Variants in MARK3 observed in about 807,000 individuals in gnomAD.
MARK3 encodes the protein microtubule affinity regulating kinase 3.
In MARK3, 46 loss-of-function variants were observed where a neutral mutation model predicts 90.1. The ratio of observed to expected loss-of-function variants is 0.51; its 90% confidence interval spans 0.40 to 0.65. The LOEUF (loss-of-function observed/expected upper bound fraction) is 0.65. Ranked by LOEUF, MARK3 falls within the 30% of genes least tolerant of loss-of-function variation. The pLI, the probability that MARK3 is intolerant of heterozygous loss-of-function variation, is 0.00. For missense variants in MARK3, 818 were observed against 947.2 expected (o/e 0.86, Z 1.79); for synonymous variants, 321 against 332.6 (o/e 0.97, Z 0.38).
intron 3 of MARK3, among the ~76,000 whole-genome samples, chr14:103,441,311 G>A (rs2092848050): frequency 6.6e-6 from 1 of 151,964 alleles, no homozygotes; most frequent in Non-Finnish European, 1.5e-5. Flanking sequence ...TTGAGACGGA[G>A]TTTCGCTCTG....
chr14:103,472,408 C>T (rs1247146511), intron 12 of MARK3, among the ~76,000 whole-genome samples: 4 of 151,766 alleles, frequency 2.6e-5, no homozygotes, highest in Non-Finnish European at 5.9e-5. Context: ...CTTTGGGAGG[C>T]CGAGGTGGGC....
chr14:103,498,751 T>C, intron 16 of MARK3: 1 of 292,204 alleles, frequency 3.4e-6, no homozygotes. Flanking sequence ...GGCTGATGCA[T>C]GCTCTGTGTA....
chr14:103,465,915 G>A (rs2093493359), intron 8 of MARK3, 57 bp from the exon 9 acceptor site: 1 of 1,583,478 alleles, frequency 6.3e-7, no homozygotes, highest in African/African-American at 1.4e-5. Flanking sequence ...GTTGTGTTTT[G>A]TTAACTAAAC....
intron 1 of MARK3, among the ~76,000 whole-genome samples, chr14:103,395,032 G>A (rs576770406): frequency 7.9e-5 from 12 of 152,166 alleles, no homozygotes; most frequent in African/African-American, 2.4e-4. Context: ...CACCTGCCTC[G>A]GCCTCCCAAA....
intron 3 of MARK3, among the ~76,000 whole-genome samples, chr14:103,437,543 C>T (rs2092745744): frequency 4.6e-5 from 7 of 152,210 alleles, no homozygotes; most frequent in Non-Finnish European, 8.8e-5. Context: ...TCCAATCTGC[C>T]TTCCAAGGAG....
At chr14:103,397,653 G>GT (rs2090670754) in intron 1 of MARK3, among the ~76,000 whole-genome samples, 1 of 152,040 alleles carries the variant, frequency 6.6e-6, no homozygotes, top group African/African-American at 2.4e-5. Flanking sequence ...GCCACAACTT[G>GT]TGCCTTACAA....
chr14:103,485,479 C>T (rs933920196), intron 14 of MARK3, among the ~76,000 whole-genome samples: 2 of 151,842 alleles, frequency 1.3e-5, no homozygotes, highest in Non-Finnish European at 2.9e-5. Context: ...TCCCATGTTA[C>T]CCAGGCTGGT....
chr14:103,466,248 A>C, intron 9 of MARK3, 95 bp from the exon 10 acceptor site: 1 of 1,293,452 alleles, frequency 7.7e-7, no homozygotes, highest in Non-Finnish European at 1.1e-6. Flanking sequence ...GCTTTGAACG[A>C]TAGTCAATGA....
At chr14:103,478,555 T>C (rs1384071535) in intron 13 of MARK3, among the ~76,000 whole-genome samples, 1 of 152,128 alleles carries the variant, frequency 6.6e-6, no homozygotes, top group African/African-American at 2.4e-5. Flanking sequence ...TCCCTTTTTT[T>C]TTTTTTGAGA....
Position 103,502,893 on chromosome 14 carries a change from C to G in MARK3, c.1928C>G (p.Ser643Cys), listed in dbSNP as rs767227964. The change falls in exon 18 of 18, where the codon TCT becomes TGT. Residue 643 changes from serine (S) to cysteine (C), a missense_variant. By Grantham distance (112) the Ser-to-Cys change is moderately radical. Around this residue, in one of 3 missense-constraint regions of MARK3, gnomAD observed 560 missense variants for 613.5 expected, o/e 0.91. Coordinates refer to ENST00000429436, the MANE Select transcript of MARK3 (RefSeq NM_001128918.3). Reference protein sequence around the residue: ...GRYEGSSRNVSAEQKDENKEA... With the variant: ...GRYEGSSRNVCAEQKDENKEA... ...TCTATGCATTTCAGTCGCAATGTATCTGCTGAGCAAAAAGATGAAAACAAA... is the reference window on the plus strand; with the variant it reads ...TCTATGCATTTCAGTCGCAATGTATGTGCTGAGCAAAAAGATGAAAACAAA... The G allele has an allele frequency of 6.2e-7, 1 of 1,611,162 alleles. No homozygotes were observed. Among genetic ancestry groups the G allele is most frequent in the Non-Finnish European group, 8.5e-7 (1 of 1,177,556 alleles).
At chr14:103,416,308 G>A (rs2091941663) in intron 2 of MARK3, among the ~76,000 whole-genome samples, 1 of 152,164 alleles carries the variant, frequency 6.6e-6, no homozygotes, top group Non-Finnish European at 1.5e-5. Flanking sequence ...GGAGACATTA[G>A]GCCAAGGTAT....
chr14:103,436,894 T>C lies in MARK3; in HGVS notation c.297+8454T>C, dbSNP rs559187851. ...TCACCTGAGGTCTGGAATTCGAGAC[T>C]AGCCTGACGAACATGGTGAAACCCC... On this transcript the variant is annotated intron_variant, in intron 3 of 17. Transcript: ENST00000429436. 2.6e-5 allele frequency among the ~76,000 whole-genome samples: 4 copies of C among 152,242 alleles called. No homozygotes were observed. The South Asian group carries it at 6.2e-4, about 24-fold the overall frequency.
intron 3 of MARK3, among the ~76,000 whole-genome samples, chr14:103,443,014 G>T (rs559578542): frequency 1.3e-5 from 2 of 150,430 alleles, no homozygotes; most frequent in Non-Finnish European, 2.9e-5. Context: ...GTGCTGCCAG[G>T]GGGAAGGGAG....
intron 5 of MARK3, among the ~76,000 whole-genome samples, chr14:103,456,901 A>G (rs1032879222): frequency 4.6e-5 from 7 of 152,244 alleles, no homozygotes; most frequent in African/African-American, 1.7e-4. Context: ...CTTTAAAATA[A>G]GAGTTATATA....
At chr14:103,483,791 A>G (rs1207679745) in intron 14 of MARK3, among the ~76,000 whole-genome samples, 1 of 152,178 alleles carries the variant, frequency 6.6e-6, no homozygotes, top group Non-Finnish European at 1.5e-5. Context: ...GGCGTGACTA[A>G]TGGTTGGTGT....
At chr14:103,408,343 G>T (rs576426442) in intron 2 of MARK3, among the ~76,000 whole-genome samples, 2 of 151,742 alleles carry the variant, frequency 1.3e-5, no homozygotes, top group African/African-American at 4.8e-5. Flanking sequence ...ACACGCCACC[G>T]CACCCAGCGA....
rs566909920 is a variant in MARK3 at position 103,425,444 on chromosome 14, G to T, written c.244-2943G>T. Among the ~76,000 whole-genome samples the T allele has an allele frequency of 4.6e-5, 7 of 151,812 alleles. No homozygotes were observed. In the East Asian group the frequency reaches 9.7e-4, roughly 21 times the overall value. On this transcript the variant is annotated intron_variant, in intron 2 of 17. Transcript: ENST00000429436. ...AGCTCAGCTAATTTTTGTATTTTTA[G>T]TAGAGACGGGGTTTCACCATGTTGG... is the stretch of plus-strand genomic sequence containing the variant.
intron 14 of MARK3, among the ~76,000 whole-genome samples, chr14:103,482,466 A>AGCTGAGATC (rs1402906343): frequency 4.6e-5 from 7 of 152,164 alleles, no homozygotes; most frequent in South Asian, 2.1e-4. Flanking sequence ...GTTTGCAGTG[A>AGCTGAGATC]GCTGAGATCG....
At chr14:103,427,051 C>A (rs2092428136) in intron 2 of MARK3, among the ~76,000 whole-genome samples, 1 of 151,292 alleles carries the variant, frequency 6.6e-6, no homozygotes. Flanking sequence ...TGTGTATAAT[C>A]TCTCTCTCTC....
Sources: gnomAD v4.1 joint callset for allele counts (sites outside exome capture counted in the v4.1 genomes callset) on GRCh38, gnomAD v4.1.1 for gene constraint, gnomAD v4.1.1 regional missense constraint, MANE v1.5 for transcripts, NCBI Gene and HGNC (gene_info 2026-07-23, HGNC 2026-07-21) for gene names.